The following MEMO1 variants were observed in gnomAD, a reference collection of about 807,000 sequenced individuals.
The protein encoded by MEMO1 is mediator of cell motility 1, also known as protein MEMO1.
Under a neutral mutation model 45.2 loss-of-function variants are expected in MEMO1, and 6 were observed. That is an observed-to-expected ratio of 0.13 (90% CI 0.07 to 0.26). The LOEUF is 0.26. Among genes scored for constraint, MEMO1 ranks in the 10% least tolerant of loss-of-function variants. MEMO1 has a pLI of 1.00. For missense variants in MEMO1, 184 were observed against 370.5 expected (o/e 0.50, Z 4.13); for synonymous variants, 78 against 124.3 (o/e 0.63, Z 2.48).
intron 3 of MEMO1, among the ~76,000 whole-genome samples, chr2:31,938,901 C>T (rs1476797535): frequency 6.6e-6 from 1 of 150,762 alleles, no homozygotes; most frequent in Non-Finnish European, 1.5e-5. Context: ...ATCCTCTCAT[C>T]TCAGCTTCTG....
At chr2:32,000,522 G>T (rs890735807) in intron 2 of MEMO1, among the ~76,000 whole-genome samples, 1 of 151,278 alleles carries the variant, frequency 6.6e-6, no homozygotes, top group Non-Finnish European at 1.5e-5. Flanking sequence ...GAGCCACCGT[G>T]CCCGGCCAAT....
intron 6 of MEMO1, among the ~76,000 whole-genome samples, chr2:31,914,008 C>T (rs1192172517): frequency 6.6e-6 from 1 of 152,172 alleles, no homozygotes; most frequent in Non-Finnish European, 1.5e-5. Flanking sequence ...TGCTCAATTG[C>T]TATCCTGCTA....
intron 8 of MEMO1, among the ~76,000 whole-genome samples, chr2:31,881,603 A>G (rs2147933905): frequency 6.6e-6 from 1 of 152,234 alleles, no homozygotes; most frequent in East Asian, 1.9e-4. Flanking sequence ...AAAAGGACAA[A>G]TGAAGAGAAA....
intron 7 of MEMO1, among the ~76,000 whole-genome samples, chr2:31,891,445 T>C (rs994957224): frequency 6.6e-6 from 1 of 152,052 alleles, no homozygotes; most frequent in Non-Finnish European, 1.5e-5. Flanking sequence ...TCCTTACCCT[T>C]ATAAAAACAT....
intron 3 of MEMO1, among the ~76,000 whole-genome samples, chr2:31,933,334 AAAAAAAAAAAAAAAATTTAT>A (rs1664437266): frequency 1.7e-5 from 1 of 58,350 alleles, no homozygotes; most frequent in African/African-American, 7.6e-5. Flanking sequence ...AAAAAAAAAA[AAAAAAAAAAAAAAAATTTAT>A]ATATATATAT....
At chr2:31,983,508 C>G (rs1434277351) in intron 2 of MEMO1, among the ~76,000 whole-genome samples, 1 of 152,074 alleles carries the variant, frequency 6.6e-6, no homozygotes, top group African/African-American at 2.4e-5. Flanking sequence ...AATCTCGGCT[C>G]ACTGCGACAT....
chr2:31,957,354 T>C (rs1256176976), intron 2 of MEMO1, among the ~76,000 whole-genome samples: 4 of 152,284 alleles, frequency 2.6e-5, no homozygotes, highest in East Asian at 1.9e-4. Flanking sequence ...CTGTGGGATA[T>C]GTCTACTGAT....
intron 4 of MEMO1, chr2:31,923,735 C>A (rs1054968558): frequency 1.3e-6 from 2 of 1,533,494 alleles, no homozygotes; most frequent in East Asian, 2.5e-5. Flanking sequence ...CCTGGAAAAT[C>A]TGAAACACAC....
intron 6 of MEMO1, among the ~76,000 whole-genome samples, chr2:31,898,997 G>C (rs532943636): frequency 6.6e-6 from 1 of 151,908 alleles, no homozygotes; most frequent in Non-Finnish European, 1.5e-5. Flanking sequence ...ATATTTGTTG[G>C]TTTAAAGTCT....
intron 2 of MEMO1, among the ~76,000 whole-genome samples, chr2:31,998,705 C>A (rs1672900297): frequency 1.3e-5 from 2 of 151,360 alleles, no homozygotes; most frequent in South Asian, 4.2e-4. Flanking sequence ...GAGGCTGAGA[C>A]AGGAGAATCA....
chr2:31,912,753 T>G (rs1020137485), intron 6 of MEMO1, among the ~76,000 whole-genome samples: 1 of 152,124 alleles, frequency 6.6e-6, no homozygotes, highest in Non-Finnish European at 1.5e-5. Flanking sequence ...CAAAAATATA[T>G]GTTAGTGTAT....
intron 2 of MEMO1, among the ~76,000 whole-genome samples, chr2:32,006,130 A>G (rs1430269931): frequency 6.6e-6 from 1 of 152,220 alleles, no homozygotes; most frequent in Non-Finnish European, 1.5e-5. Context: ...GGTCATAGAG[A>G]TAGGAAGATG....
At chr2:31,912,787 A>T (rs928454674) in intron 6 of MEMO1, among the ~76,000 whole-genome samples, 10 of 152,218 alleles carry the variant, frequency 6.6e-5, no homozygotes, top group African/African-American at 2.4e-4. Flanking sequence ...TACTGGCAGT[A>T]AACACTGGCT....
intron 2 of MEMO1, among the ~76,000 whole-genome samples, chr2:31,993,844 T>C (rs557810726): frequency 7.2e-4 from 110 of 152,112 alleles, no homozygotes; most frequent in Non-Finnish European, 1.4e-3. Flanking sequence ...AACTATCCTA[T>C]TTTTTATCCT....
intron 8 of MEMO1, among the ~76,000 whole-genome samples, chr2:31,874,633 T>C (rs1674291056): frequency 6.6e-6 from 1 of 152,028 alleles, no homozygotes; most frequent in Non-Finnish European, 1.5e-5. Context: ...TGAACAGATG[T>C]AATCTAAAAT....
chr2:31,947,948 T>G (rs1666378171), intron 2 of MEMO1, among the ~76,000 whole-genome samples: 1 of 152,194 alleles, frequency 6.6e-6, no homozygotes, highest in African/African-American at 2.4e-5. Context: ...TCCTCCTTAC[T>G]CTAGACAAAA....
chr2:31,989,763 C>T (rs576163822), intron 2 of MEMO1, among the ~76,000 whole-genome samples: 2 of 152,018 alleles, frequency 1.3e-5, no homozygotes, highest in Non-Finnish European at 1.5e-5. Context: ...AAGGAACTAC[C>T]GCATGTAGAG....
intron 4 of MEMO1, among the ~76,000 whole-genome samples, chr2:31,927,114 AG>A (rs1683229156): frequency 6.6e-6 from 1 of 152,144 alleles, no homozygotes; most frequent in Non-Finnish European, 1.5e-5. Context: ...GTCGATCACA[AG>A]GTCAAGAGAT....
intron 8 of MEMO1, among the ~76,000 whole-genome samples, chr2:31,871,228 A>G (rs546522296): frequency 6.6e-6 from 1 of 152,302 alleles, no homozygotes; most frequent in South Asian, 2.1e-4. Context: ...CTGTGGGAGA[A>G]ATGCAAATGG....
Sources: gnomAD v4.1 joint callset for allele counts (sites outside exome capture counted in the v4.1 genomes callset) on GRCh38, gnomAD v4.1.1 for gene constraint, MANE v1.5 for transcripts, NCBI Gene and HGNC (gene_info 2026-07-23, HGNC 2026-07-21) for gene names.